ME2: variants seen among roughly 807,000 people sequenced by gnomAD.
ME2 encodes the protein NAD-dependent malic enzyme, mitochondrial.
In ME2, 60 loss-of-function variants were observed where a neutral mutation model predicts 73.7. That is an observed-to-expected ratio of 0.81 (90% CI 0.66 to 1.01). The LOEUF (loss-of-function observed/expected upper bound fraction) is 1.01. ME2 is among the 50% of genes least tolerant of loss of function. ME2 has a pLI of 0.00. For missense variants in ME2, 594 were observed against 705.5 expected (o/e 0.84, Z 1.79); for synonymous variants, 199 against 236.9 (o/e 0.84, Z 1.47).
chr18:50,894,063 A>G (rs1319894865), intron 1 of ME2, among the ~76,000 whole-genome samples: 1 of 152,222 alleles, frequency 6.6e-6, no homozygotes, highest in African/African-American at 2.4e-5. Context: ...ACTGCGTCAT[A>G]TTTAATATCA....
At chr18:50,890,980 G>A (rs1023225096) in intron 1 of ME2, among the ~76,000 whole-genome samples, 1 of 152,108 alleles carries the variant, frequency 6.6e-6, no homozygotes, top group Non-Finnish European at 1.5e-5. Flanking sequence ...GAAGATAAAC[G>A]TATGTACCTG....
At chr18:50,921,536 G>T (rs745775143) in intron 10 of ME2, among the ~76,000 whole-genome samples, 1 of 152,064 alleles carries the variant, frequency 6.6e-6, no homozygotes, top group Non-Finnish European at 1.5e-5. Context: ...TTGCAGTATT[G>T]CAGTAGTTTT....
intron 1 of ME2, among the ~76,000 whole-genome samples, chr18:50,885,293 G>C (rs1455985417): frequency 1.3e-5 from 2 of 152,154 alleles, no homozygotes; most frequent in Admixed American, 1.3e-4. Context: ...GGCTGAGATC[G>C]GACGATTGCT....
chr18:50,932,043 T>G (rs1406577676), intron 12 of ME2, among the ~76,000 whole-genome samples: 1 of 152,150 alleles, frequency 6.6e-6, no homozygotes, highest in Non-Finnish European at 1.5e-5. Flanking sequence ...GATTTTTAAC[T>G]TTATTATTTA....
At chr18:50,887,029 T>G (rs953359488) in intron 1 of ME2, among the ~76,000 whole-genome samples, 1 of 152,068 alleles carries the variant, frequency 6.6e-6, no homozygotes, top group South Asian at 2.1e-4. Context: ...AATCTGATGG[T>G]GTAAGTTTCA....
Position 50,954,199 on chromosome 18 carries a change from A to G in ME2, c.*7015A>G, listed in dbSNP as rs1918276750. The G allele has an allele frequency of 6.6e-6, 1 of 152,214 alleles. No homozygotes were observed. Among genetic ancestry groups the G allele is most frequent in the African/African-American group, 2.4e-5 (1 of 41,458 alleles). 9.4% of individuals were successfully genotyped at this position (152,214 alleles called of 1,614,324 possible). On this transcript the variant is annotated 3_prime_UTR_variant, in exon 16 of 16. Coordinates refer to ENST00000321341, the MANE Select transcript of ME2 (RefSeq NM_002396.5). ...TGAATTATTTTTTCTCTGTTGTGAT[A>G]TGTTGTAATGAGATGTGTGTTCTTA...
intron 13 of ME2, 193 bp from the exon 14 acceptor site, chr18:50,939,376 AT>A: frequency 2.1e-6 from 1 of 483,178 alleles, no homozygotes; most frequent in South Asian, 3.2e-5. Context: ...TATTTCTGAA[AT>A]TACTTAGCGA....
At position 50,886,573 on chromosome 18, in the gene ME2, C is replaced by T. The variant is rs1405000729; in HGVS notation, c.-13+7265C>T. Among the ~76,000 whole-genome samples the T allele has an allele frequency of 1.3e-5, 2 of 152,012 alleles. 1 individual carries two copies. The highest frequency in any genetic ancestry group is 2.9e-5 in the Non-Finnish European group (2 of 68,012). On this transcript the variant is annotated intron_variant, in intron 1 of 15. Transcript: ENST00000321341. Reference sequence around the variant, plus strand: ...TCTTTTTCTTGGTTTTGTTCATGTTCATATTTCTTTTAAAAAGCACAAAGG... The same window carrying T: ...TCTTTTTCTTGGTTTTGTTCATGTTTATATTTCTTTTAAAAAGCACAAAGG...
intron 1 of ME2, among the ~76,000 whole-genome samples, chr18:50,892,114 C>T (rs1916618563): frequency 6.6e-6 from 1 of 152,082 alleles, no homozygotes; most frequent in Non-Finnish European, 1.5e-5. Flanking sequence ...AGCCACTGCA[C>T]CCGGCCTGGA....
intron 4 of ME2, among the ~76,000 whole-genome samples, chr18:50,915,089 CCCTCCTCCTCCTCCT>C (rs57668604): frequency 1.3e-5 from 2 of 150,328 alleles, no homozygotes; most frequent in African/African-American, 4.9e-5. Flanking sequence ...GAAGACCAAC[CCCTCCTCCTCCTCCT>C]CCTCCTCCTC....
intron 1 of ME2, among the ~76,000 whole-genome samples, chr18:50,894,193 A>G (rs966755983): frequency 1.3e-5 from 2 of 152,236 alleles, no homozygotes; most frequent in Non-Finnish European, 2.9e-5. Context: ...GGGAGGCAGA[A>G]AACAACTTCA....
At chr18:50,907,826 T>C (rs187856156) in intron 2 of ME2, among the ~76,000 whole-genome samples, 6 of 152,332 alleles carry the variant, frequency 3.9e-5, no homozygotes, top group Non-Finnish European at 1.5e-5. Flanking sequence ...TTAAGAATAC[T>C]TTAAAACTGT....
intron 2 of ME2, among the ~76,000 whole-genome samples, chr18:50,906,807 C>T (rs958817955): frequency 6.6e-6 from 1 of 152,164 alleles, no homozygotes; most frequent in Non-Finnish European, 1.5e-5. Flanking sequence ...TTTACAACTA[C>T]CCAGAAGCCT....
chr18:50,946,674 A>T (rs1340915302), intron 15 of ME2, among the ~76,000 whole-genome samples: 2 of 152,152 alleles, frequency 1.3e-5, no homozygotes, highest in Admixed American at 1.3e-4. Context: ...ACCTTGGGTT[A>T]GGTTTTCTTC....
chr18:50,925,874 T>C lies in ME2; in HGVS notation c.1290T>C (p.Ala430=). Residue 430 remains alanine (A), a synonymous_variant, in exon 12 of 16, where the codon GCT becomes GCC. Transcript: ENST00000321341. ...CTACAGCACAGGCAGAGTGCACGGCTGAAGAAGCATATACACTTACAGAGG... is the reference window on the plus strand; with the variant it reads ...CTACAGCACAGGCAGAGTGCACGGCCGAAGAAGCATATACACTTACAGAGG... ...SNPTAQAECT[A]EEAYTLTEGR... 1 of 1,610,098 alleles carries C rather than the reference T, an allele frequency of 6.2e-7. No homozygotes were observed. The highest frequency in any genetic ancestry group is 1.3e-5 in the African/African-American group (1 of 74,982).
intron 1 of ME2, among the ~76,000 whole-genome samples, chr18:50,895,176 A>T (rs949048453): frequency 1.1e-4 from 17 of 152,204 alleles, no homozygotes; most frequent in Non-Finnish European, 2.1e-4. Context: ...TTTAATGTAT[A>T]GTTTTCTCTT....
At chr18:50,923,041 T>G (rs1301436131) in intron 10 of ME2, among the ~76,000 whole-genome samples, 1 of 152,218 alleles carries the variant, frequency 6.6e-6, no homozygotes, top group African/African-American at 2.4e-5. Flanking sequence ...ATTGTTCTAG[T>G]CTGTCAGTGG....
intron 2 of ME2, among the ~76,000 whole-genome samples, chr18:50,898,140 CTTT>C (rs1197910962): frequency 6.6e-6 from 1 of 152,112 alleles, no homozygotes; most frequent in Non-Finnish European, 1.5e-5. Context: ...TAAATATTAT[CTTT>C]AAGGATATGT....
At chr18:50,918,275 A>C (rs1917334026) in intron 7 of ME2, 62 bp downstream of exon 7, 1 of 1,099,540 alleles carries the variant, frequency 9.1e-7, no homozygotes, top group African/African-American at 1.6e-5. Flanking sequence ...GGTAAGAACC[A>C]AAGTTTTGTT....
Sources: allele counts gnomAD v4.1 joint callset (sites outside exome capture counted in the v4.1 genomes callset), GRCh38; gene constraint gnomAD v4.1.1; transcripts MANE v1.5; gene names NCBI Gene and HGNC (gene_info 2026-07-23, HGNC 2026-07-21).